The following FRMPD4 variants were observed in gnomAD, a reference collection of about 807,000 sequenced individuals.
FRMPD4 encodes the protein FERM and PDZ domain-containing protein 4.
A neutral mutation model predicts 94.1 loss-of-function variants in FRMPD4; 22 were observed. That is an observed-to-expected ratio of 0.23 (90% confidence interval 0.17 to 0.33). The LOEUF is 0.33. FRMPD4 is among the 10% of genes least tolerant of loss of function. The probability of loss-of-function intolerance (pLI) is 1.00; values close to 1 mark genes in which losing one functional copy is unlikely to be tolerated. For synonymous variants in FRMPD4, 631 were observed against 548.6 expected, an observed-to-expected ratio of 1.15 and a Z score of -2.10; for missense variants, 1,111 against 1,339.9, an observed-to-expected ratio of 0.83 and a Z score of 2.67.
At chrX:11,964,191 A>G (rs1184593334) in intron 3 of FRMPD4, among the ~76,000 whole-genome samples, 2 of 108,990 alleles carry the variant, frequency 1.8e-5, no homozygotes, top group African/African-American at 6.7e-5. Flanking sequence ...ACAGAGTCTC[A>G]CTCTGTCGCC....
At chrX:12,245,728 G>A (rs935759023) in intron 1 of FRMPD4, among the ~76,000 whole-genome samples, 2 of 109,518 alleles carry the variant, frequency 1.8e-5, no homozygotes, top group African/African-American at 6.7e-5. Context: ...GTTATCATGG[G>A]AGTGGGTTAT....
At chrX:12,291,303 ATTC>A (rs2054684987) in intron 1 of FRMPD4, among the ~76,000 whole-genome samples, 1 of 111,277 alleles carries the variant, frequency 9.0e-6, no homozygotes, top group East Asian at 2.8e-4. Context: ...CTTTATCTTA[ATTC>A]TTCTATACTT....
chrX:12,638,549 T>A (rs2059463853), intron 4 of FRMPD4, among the ~76,000 whole-genome samples: 1 of 111,790 alleles, frequency 8.9e-6, no homozygotes, highest in South Asian at 3.8e-4. Flanking sequence ...AAGACATACA[T>A]TTTTATTCTA....
intron 2 of FRMPD4, among the ~76,000 whole-genome samples, chrX:11,868,820 A>G (rs1176727299): frequency 8.9e-6 from 1 of 112,744 alleles, no homozygotes; most frequent in Non-Finnish European, 1.9e-5. Flanking sequence ...CTTTTCATAA[A>G]TGAAGTTCTG....
chrX:12,463,292 C>T (rs966422115), intron 1 of FRMPD4, among the ~76,000 whole-genome samples: 1 of 111,032 alleles, frequency 9.0e-6, no homozygotes, highest in Non-Finnish European at 1.9e-5. Context: ...TGTAGACTGG[C>T]TTTTTGTAGA....
At chrX:12,547,531 C>A (rs371118759) in intron 2 of FRMPD4, among the ~76,000 whole-genome samples, 2 of 112,451 alleles carry the variant, frequency 1.8e-5, no homozygotes, top group African/African-American at 6.5e-5. Flanking sequence ...ATTCATGGAA[C>A]ACAGCTACTC....
At chrX:12,234,567 G>A (rs191660052) in intron 1 of FRMPD4, among the ~76,000 whole-genome samples, 5 of 111,640 alleles carry the variant, frequency 4.5e-5, no homozygotes, top group Middle Eastern at 4.6e-3. Context: ...CAGCACTCTT[G>A]GGTTTCTCCT....
intron 3 of FRMPD4, among the ~76,000 whole-genome samples, chrX:12,108,494 G>A (rs1311100828): frequency 4.5e-5 from 5 of 112,222 alleles, no homozygotes; most frequent in Admixed American, 3.8e-4. Flanking sequence ...GACCATCAAT[G>A]CTAGGAAGAA....
intron 4 of FRMPD4, among the ~76,000 whole-genome samples, chrX:12,658,425 TG>T (rs1241863920): frequency 8.9e-6 from 1 of 111,753 alleles, no homozygotes; most frequent in African/African-American, 3.3e-5. Flanking sequence ...TTATCCTAGG[TG>T]ATGAGAATAA....
chrX:11,945,656 C>T (rs1368920233), intron 3 of FRMPD4, among the ~76,000 whole-genome samples: 1 of 111,619 alleles, frequency 9.0e-6, no homozygotes, highest in Non-Finnish European at 1.9e-5. Context: ...GAAGGAGGAG[C>T]AGGCATGTCA....
chrX:12,152,865 G>A (rs1352316402), intron 1 of FRMPD4, among the ~76,000 whole-genome samples: 1 of 109,649 alleles, frequency 9.1e-6, no homozygotes, highest in Admixed American at 9.7e-5. Context: ...TCTCTGATGG[G>A]GATATAAACA....
chrX:12,708,709 T>C (rs748797194), intron 13 of FRMPD4, among the ~76,000 whole-genome samples: 8 of 111,390 alleles, frequency 7.2e-5, no homozygotes, highest in Non-Finnish European at 1.1e-4. Flanking sequence ...GCTCTGAAAA[T>C]AGCCAGGGAG....
At chrX:12,547,009 T>C (rs2058484775) in intron 2 of FRMPD4, among the ~76,000 whole-genome samples, 1 of 32,099 alleles carries the variant, frequency 3.1e-5, no homozygotes, top group Non-Finnish European at 5.3e-5. Flanking sequence ...AGACTGTCTC[T>C]TTAAAAAAAA....
intron 3 of FRMPD4, among the ~76,000 whole-genome samples, chrX:11,887,167 A>G (rs1191783246): frequency 8.9e-6 from 1 of 112,394 alleles, no homozygotes; most frequent in Non-Finnish European, 1.9e-5. Context: ...TATTCAAGGA[A>G]GATTTAACTG....
intron 7 of FRMPD4, among the ~76,000 whole-genome samples, chrX:12,688,745 C>CTTTTTTT (rs371548205): frequency 5.4e-5 from 5 of 92,042 alleles, no homozygotes; most frequent in Non-Finnish European, 8.5e-5. Flanking sequence ...GCAGGGAAAT[C>CTTTTTTT]TTTTTTTTTT....
chrX:12,628,336 A>C (rs2059365184), intron 4 of FRMPD4, among the ~76,000 whole-genome samples: 1 of 111,923 alleles, frequency 8.9e-6, no homozygotes, highest in Non-Finnish European at 1.9e-5. Flanking sequence ...CTCCTGGGTC[A>C]CATCATCTGT....
chrX:12,717,679 C>T lies in FRMPD4; in HGVS notation c.2853C>T (p.Thr951=), dbSNP rs767919145. The T allele has an allele frequency of 5.0e-6, 6 of 1,211,144 alleles. No individual in the cohort carries two copies. Among genetic ancestry groups the T allele is most frequent in the Admixed American group, 2.2e-5 (1 of 46,108 alleles). ...ACCACCCCCTTGCAGAAGAGCAGAC[C>T]GAGTTCCCGGCCTCCAAGACCCCCG... ...EGYHPLAEEQ[T]EFPASKTPAG... The change falls in exon 16 of 17, where the codon ACC becomes ACT. Residue 951 remains threonine (T), a synonymous_variant. Coordinates refer to ENST00000675598, the MANE Select transcript of FRMPD4 (RefSeq NM_001368397.1).
At position 11,857,465 on chromosome X, in the gene FRMPD4, C is replaced by G. The variant is rs1439702766; in HGVS notation, c.-160-7621C>G. Among the ~76,000 whole-genome samples the G allele has an allele frequency of 2.7e-5, 3 of 112,560 alleles. No homozygotes were observed. In the Admixed American group the frequency reaches 2.8e-4, roughly 11 times the overall value. The stretch of plus-strand genomic sequence containing the variant: ...CTGACAAAAATGGGGAAAAGATTCC[C>G]TATTCAATGAATGGCGCTGGGAGAA... On this transcript the variant is annotated intron_variant, in intron 1 of 18. Transcript: ENST00000640291.
At chrX:11,968,115 G>A (rs2054321064) in intron 3 of FRMPD4, among the ~76,000 whole-genome samples, 1 of 110,821 alleles carries the variant, frequency 9.0e-6, no homozygotes, top group African/African-American at 3.3e-5. Flanking sequence ...CTTTCTGCAG[G>A]AGGGGAAAAT....
Sources: gnomAD v4.1 joint callset for allele counts (sites outside exome capture counted in the v4.1 genomes callset) on GRCh38, gnomAD v4.1.1 for gene constraint, MANE v1.5 for transcripts, NCBI Gene and HGNC (gene_info 2026-07-23, HGNC 2026-07-21) for gene names.